C12orf42: variants seen among roughly 807,000 people sequenced by gnomAD.
C12orf42 encodes uncharacterized protein C12orf42.
C12orf42 carries 25 observed loss-of-function variants against 21.6 expected under a neutral mutation model. The ratio of observed to expected loss-of-function variants is 1.16; its 90% CI spans 0.84 to 1.62. The LOEUF (loss-of-function observed/expected upper bound fraction) is 1.62, where lower values mean the gene tolerates loss of function less well. Among genes scored for constraint, C12orf42 ranks in the 40% most tolerant of loss-of-function variants. The probability of loss-of-function intolerance (pLI) is 0.00; values close to 1 mark genes in which losing one functional copy is unlikely to be tolerated. For synonymous variants in C12orf42, 174 were observed against 175.0 expected, an observed-to-expected ratio of 0.99 and a Z score of 0.05; for missense variants, 483 against 459.3, an observed-to-expected ratio of 1.05 and a Z score of -0.47.
chr12:103,222,462 G>A, the C12orf42 span, among the ~76,000 whole-genome samples: 1 of 152,126 alleles, frequency 6.6e-6, no homozygotes, highest in African/African-American at 2.4e-5. Flanking sequence ...GTGGGGCAGG[G>A]CATATTCACT....
exon 7 of C12orf42, chr12:103,268,607 T>C (rs534541792): frequency 5.1e-4 from 78 of 152,198 alleles, no homozygotes; most frequent in African/African-American, 1.7e-3. Flanking sequence ...TTGCATTATA[T>C]ACTTGGAGAA....
chr12:103,169,882 T>C, the C12orf42 span, among the ~76,000 whole-genome samples: 4 of 152,100 alleles, frequency 2.6e-5, no homozygotes, highest in Non-Finnish European at 4.4e-5. Context: ...CTGAGAGGAA[T>C]AGGAGGTTCA....
chr12:103,511,853 C>CT, the C12orf42 span, among the ~76,000 whole-genome samples: 1 of 152,146 alleles, frequency 6.6e-6, no homozygotes, highest in African/African-American at 2.4e-5. Context: ...GTAATTTTGA[C>CT]TTTTTTCTTT....
chr12:103,130,799 A>G, the C12orf42 span, among the ~76,000 whole-genome samples: 4 of 152,138 alleles, frequency 2.6e-5, no homozygotes, highest in Non-Finnish European at 5.9e-5. Flanking sequence ...AGGCTGTGTG[A>G]CCTTGTGTCT....
chr12:103,441,546 C>A (rs1484663376), intron 2 of C12orf42: 1 of 152,192 alleles, frequency 6.6e-6, no homozygotes, highest in Non-Finnish European at 1.5e-5. Flanking sequence ...ACAGGAGCAG[C>A]AGCCTCCAAG....
the C12orf42 span, among the ~76,000 whole-genome samples, chr12:103,127,505 G>GTA: frequency 3.3e-5 from 5 of 152,118 alleles, no homozygotes; most frequent in South Asian, 2.1e-4. Flanking sequence ...AAGTGTGTGT[G>GTA]TATATATGTA....
intron 4 of C12orf42, among the ~76,000 whole-genome samples, chr12:103,313,438 G>A (rs922776069): frequency 3.3e-5 from 5 of 152,172 alleles, no homozygotes; most frequent in Non-Finnish European, 5.9e-5. Context: ...GGTGGCAGAG[G>A]TTGGAGGCCA....
intron 4 of C12orf42, among the ~76,000 whole-genome samples, chr12:103,353,685 C>A (rs779258300): frequency 1.3e-4 from 20 of 152,250 alleles, no homozygotes; most frequent in Non-Finnish European, 2.8e-4. Context: ...AAAAACTACC[C>A]CCCAAATGCA....
At chr12:103,116,643 CT>C in the C12orf42 span, among the ~76,000 whole-genome samples, 1 of 152,084 alleles carries the variant, frequency 6.6e-6, no homozygotes, top group Admixed American at 6.5e-5. Flanking sequence ...TGAACATTTG[CT>C]GCTGCATGGA....
At chr12:103,543,699 T>C in the C12orf42 span, among the ~76,000 whole-genome samples, 23 of 152,148 alleles carry the variant, frequency 1.5e-4, no homozygotes, top group Non-Finnish European at 3.2e-4. Flanking sequence ...AATTCTGTCT[T>C]AGCTTATCAC....
intron 10 of C12orf42, among the ~76,000 whole-genome samples, chr12:103,254,439 A>T (rs1189459762): frequency 6.6e-6 from 1 of 152,220 alleles, no homozygotes; most frequent in Non-Finnish European, 1.5e-5. Context: ...CTCTGAAGGC[A>T]TCACATTACC....
chr12:103,485,929 T>A (rs1954802415), intron 1 of C12orf42, among the ~76,000 whole-genome samples: 1 of 152,356 alleles, frequency 6.6e-6, no homozygotes, highest in Admixed American at 6.5e-5. Flanking sequence ...CAGGGACAAT[T>A]TGACTTCCTC....
chr12:103,396,843 A>G (rs986107180), intron 3 of C12orf42: 1 of 152,258 alleles, frequency 6.6e-6, no homozygotes, highest in Middle Eastern at 3.1e-3. Context: ...GGTCCAGATT[A>G]TGTAGAGTCT....
intron 3 of C12orf42, among the ~76,000 whole-genome samples, chr12:103,398,760 C>G (rs1232429326): frequency 6.6e-6 from 1 of 152,112 alleles, no homozygotes; most frequent in Non-Finnish European, 1.5e-5. Flanking sequence ...CTTTCCCCAT[C>G]AGTATCTAAT....
chr12:103,520,943 T>G, the C12orf42 span, among the ~76,000 whole-genome samples: 1 of 152,224 alleles, frequency 6.6e-6, no homozygotes, highest in Non-Finnish European at 1.5e-5. Context: ...AAGGAATTAG[T>G]CATTCCCTTC....
intron 1 of C12orf42, among the ~76,000 whole-genome samples, chr12:103,492,281 G>A (rs1051963642): frequency 1.3e-4 from 20 of 152,160 alleles, no homozygotes; most frequent in Non-Finnish European, 2.2e-4. Context: ...CTATGTGTTT[G>A]TGGTTTATCT....
At chr12:103,176,529 T>G in the C12orf42 span, among the ~76,000 whole-genome samples, 1 of 152,196 alleles carries the variant, frequency 6.6e-6, no homozygotes, top group Non-Finnish European at 1.5e-5. Context: ...CTGGCCCAAT[T>G]TCTAATTTTC....
the C12orf42 span, among the ~76,000 whole-genome samples, chr12:103,219,211 A>G: frequency 1.3e-5 from 2 of 152,242 alleles, no homozygotes; most frequent in East Asian, 1.9e-4. Context: ...TTCCATATGC[A>G]GAAAACTGAA....
At chr12:103,272,256 T>C (rs943936795) in intron 5 of C12orf42, among the ~76,000 whole-genome samples, 1 of 152,172 alleles carries the variant, frequency 6.6e-6, no homozygotes, top group Admixed American at 6.6e-5. Flanking sequence ...TCTAGCATCA[T>C]AATTATGTTG....
Sources: allele counts gnomAD v4.1 joint callset (sites outside exome capture counted in the v4.1 genomes callset), GRCh38; gene constraint gnomAD v4.1.1; transcripts MANE v1.5; gene names NCBI Gene and HGNC (gene_info 2026-07-23, HGNC 2026-07-21).